The following ADAP2 variants were observed in gnomAD, a reference collection of about 807,000 sequenced individuals.
ADAP2 encodes ArfGAP with dual PH domains 2.
A neutral mutation model predicts 54.9 loss-of-function variants in ADAP2; 42 were observed. That is an observed-to-expected ratio of 0.77 (90% confidence interval 0.60 to 0.99). ADAP2 has a LOEUF of 0.99. Ranked by LOEUF, ADAP2 falls within the 50% of genes least tolerant of loss-of-function variation. ADAP2 has a pLI of 0.00. For synonymous variants in ADAP2, 177 were observed against 180.1 expected, an observed-to-expected ratio of 0.98 and a Z score of 0.14; for missense variants, 429 against 480.4, an observed-to-expected ratio of 0.89 and a Z score of 1.00.
At chr17:30,939,064 A>G (rs987020445) in intron 5 of ADAP2, among the ~76,000 whole-genome samples, 3 of 152,194 alleles carry the variant, frequency 2.0e-5, no homozygotes, top group African/African-American at 7.2e-5. Flanking sequence ...CCTCCAAGTT[A>G]GAGGAAGAAT....
rs766505175 is a variant in ADAP2, at chr17:30,922,908, G to A, written c.95-32G>A. Reference sequence around the variant, plus strand: ...CCCTGGTTTCTTCACCGCGCTTTCCGCTCAGCTCCTCTCCTGCCTCATCCC... The same window carrying A: ...CCCTGGTTTCTTCACCGCGCTTTCCACTCAGCTCCTCTCCTGCCTCATCCC... On this transcript the variant is annotated intron_variant, in intron 1 of 10. Coordinates refer to ENST00000330889, the MANE Select transcript of ADAP2 (RefSeq NM_018404.3). 3.7e-5 allele frequency: 59 copies of A among 1,605,120 alleles called. No homozygotes were observed. The Middle Eastern group carries it at 5.0e-4, about 14-fold the overall frequency.
intron 9 of ADAP2, among the ~76,000 whole-genome samples, 186 bp downstream of exon 9, chr17:30,954,741 TCTC>T (rs1904935841): frequency 6.6e-6 from 1 of 152,190 alleles, no homozygotes; most frequent in Non-Finnish European, 1.5e-5. Context: ...GCATGAAGCT[TCTC>T]CTCGCTTTCA....
chr17:30,925,335 G>A (rs1293791145), intron 2 of ADAP2, among the ~76,000 whole-genome samples: 3 of 150,998 alleles, frequency 2.0e-5, no homozygotes, highest in East Asian at 2.0e-4. Flanking sequence ...GATTACAGGC[G>A]CCCGCCACCA....
At position 30,922,036 on chromosome 17, in the gene ADAP2, A is replaced by C; in HGVS notation, c.22A>C (p.Lys8Gln). The C allele has an allele frequency of 7.8e-7, 1 of 1,276,918 alleles. No homozygotes were observed. The highest frequency in any genetic ancestry group is 3.2e-5 in the East Asian group (1 of 31,442). The allele number at this position is 1,276,918 out of a possible 1,614,324, so 79.1% of individuals were successfully genotyped here. The change falls in exon 1 of 11, where the codon AAG (lysine) becomes CAG (glutamine). Residue 8 changes from lysine (K) to glutamine (Q), a missense_variant. Physicochemically the swap from Lys to Gln is moderately conservative, Grantham distance 53 (BLOSUM62 1). Coordinates refer to ENST00000330889, the MANE Select transcript of ADAP2 (RefSeq NM_018404.3). ...GGCCATGGGCGATCGCGAGCGCAAC[A>C]AGAAGCGGCTGCTGGAGCTGCTGCG... MGDRERN[K>Q]KRLLELLRAP...
chr17:30,932,230 C>CTT (rs769096794), intron 4 of ADAP2, among the ~76,000 whole-genome samples: 34 of 118,868 alleles, frequency 2.9e-4, no homozygotes, highest in East Asian at 7.0e-4. Flanking sequence ...TGTACAGACT[C>CTT]TTTTTTTTTT....
At chr17:30,949,243 C>A in intron 6 of ADAP2, 44 bp from the exon 7 acceptor site, 2 of 1,554,884 alleles carry the variant, frequency 1.3e-6, no homozygotes, top group Non-Finnish European at 1.8e-6. Flanking sequence ...CCCACCCACC[C>A]CATCTCACTG....
intron 3 of ADAP2, among the ~76,000 whole-genome samples, chr17:30,931,242 G>A (rs1911454914): frequency 6.6e-6 from 1 of 152,098 alleles, no homozygotes; most frequent in Non-Finnish European, 1.5e-5. Context: ...GGAACAACTC[G>A]GTGGTTCTCA....
At chr17:30,924,735 C>A (rs1191089658) in intron 2 of ADAP2, among the ~76,000 whole-genome samples, 2 of 152,050 alleles carry the variant, frequency 1.3e-5, no homozygotes, top group African/African-American at 4.8e-5. Context: ...GAACAATGAA[C>A]AAGATAAGGT....
chr17:30,958,130 C>T lies in ADAP2; in HGVS notation c.*261C>T. 1 of 491,094 alleles carries T rather than the reference C, an allele frequency of 2.0e-6. No individual in the cohort carries two copies. The highest frequency in any genetic ancestry group is 3.7e-6 in the Non-Finnish European group (1 of 271,530). The allele number at this position is 491,094 out of a possible 1,614,324, so 30.4% of individuals were successfully genotyped here. ...CCCATACACACCTAGGCTTGAAATG[C>T]CCTACAGGCCCAGAACTTTCTCACA... On this transcript the variant is annotated 3_prime_UTR_variant, in exon 11 of 11. Transcript: ENST00000330889.
At chr17:30,931,779 T>C in intron 3 of ADAP2, 110 bp from the exon 4 acceptor site, 1 of 715,224 alleles carries the variant, frequency 1.4e-6, no homozygotes, top group Non-Finnish European at 2.3e-6. Flanking sequence ...CGTGATCACG[T>C]GATCACACCA....
intron 5 of ADAP2, among the ~76,000 whole-genome samples, chr17:30,935,616 G>A (rs1598035452): frequency 6.6e-6 from 1 of 152,166 alleles, no homozygotes; most frequent in Admixed American, 6.6e-5. Context: ...CCTTTGTACC[G>A]ATTTGAGAAA....
At chr17:30,936,754 A>G (rs1439477757) in intron 5 of ADAP2, among the ~76,000 whole-genome samples, 1 of 152,052 alleles carries the variant, frequency 6.6e-6, no homozygotes, top group Non-Finnish European at 1.5e-5. Flanking sequence ...CCATATTTTA[A>G]TTAGGTTATT....
chr17:30,956,676 C>T (rs9915181), intron 10 of ADAP2: 38,952 of 597,236 alleles, frequency 0.065, 1,496 homozygotes, highest in Middle Eastern at 0.078. Flanking sequence ...TTCCCCTAAC[C>T]GAGCCCTTCC....
chr17:30,921,947 C>T lies in ADAP2; in HGVS notation c.-68C>T. 2 of 1,110,618 alleles carry T rather than the reference C, an allele frequency of 1.8e-6. No individual in the cohort carries two copies. Among genetic ancestry groups the T allele is most frequent in the Non-Finnish European group, 2.3e-6 (2 of 882,456 alleles). 68.8% of individuals were successfully genotyped at this position (1,110,618 alleles called of 1,614,324 possible). On this transcript the variant is annotated 5_prime_UTR_variant, in exon 1 of 11. Transcript: ENST00000330889. Reference sequence around the variant, plus strand: ...CCTGGCTGAGGCGCCGCGGCCGGGTCCCTCTCCACCTGCCGGGCGGAGCGC... The same window carrying T: ...CCTGGCTGAGGCGCCGCGGCCGGGTTCCTCTCCACCTGCCGGGCGGAGCGC...
chr17:30,946,667 T>G (rs181417643), intron 6 of ADAP2, among the ~76,000 whole-genome samples: 2 of 152,308 alleles, frequency 1.3e-5, no homozygotes, highest in East Asian at 3.9e-4. Context: ...AGGTGGGTGC[T>G]GACATTTTGT....
rs918968242 is a variant in ADAP2 at position 30,936,698 on chromosome 17, G to C, written c.510+2401G>C. 2.0e-5 allele frequency among the ~76,000 whole-genome samples: 3 copies of C among 152,076 alleles called. No individual in the cohort carries two copies. The East Asian group carries it at 5.8e-4, about 29-fold the overall frequency. On this transcript the variant is annotated intron_variant, in intron 5 of 10. Coordinates refer to ENST00000330889, the MANE Select transcript of ADAP2 (RefSeq NM_018404.3). ...TTGGGAGGCCGAGGTGGGCAGATCAGGAGTTCAGGAGATGGAGACCATCTT... is the reference window on the plus strand; with the variant it reads ...TTGGGAGGCCGAGGTGGGCAGATCACGAGTTCAGGAGATGGAGACCATCTT...
chr17:30,937,112 G>C (rs1385813178), intron 5 of ADAP2, among the ~76,000 whole-genome samples: 1 of 151,866 alleles, frequency 6.6e-6, no homozygotes, highest in Non-Finnish European at 1.5e-5. Context: ...ATTTTTAGTA[G>C]ACAGGGTTCC....
At chr17:30,936,630 A>G (rs113742005) in intron 5 of ADAP2, among the ~76,000 whole-genome samples, 5 of 140,192 alleles carry the variant, frequency 3.6e-5, no homozygotes, top group African/African-American at 1.3e-4. Flanking sequence ...ATCCTTTCCC[A>G]TATTGGCCGG....
chr17:30,932,855 AC>A (rs1323136256), intron 4 of ADAP2, among the ~76,000 whole-genome samples: 1 of 152,134 alleles, frequency 6.6e-6, no homozygotes, highest in Admixed American at 6.6e-5. Flanking sequence ...GGCATGAGCC[AC>A]CGCGCCCAGC....
Sources: allele counts gnomAD v4.1 joint callset (sites outside exome capture counted in the v4.1 genomes callset), GRCh38; gene constraint gnomAD v4.1.1; transcripts MANE v1.5; gene names NCBI Gene and HGNC (gene_info 2026-07-23, HGNC 2026-07-21).